Variants in ATXN1 observed in about 807,000 individuals in gnomAD.
ATXN1 encodes the protein ataxin 1.
Under a neutral mutation model 56.4 loss-of-function variants are expected in ATXN1, and 8 were observed. The observed-to-expected ratio is 0.14, with a 90% CI of 0.08 to 0.26. The LOEUF (loss-of-function observed/expected upper bound fraction) is 0.26. ATXN1 is among the 10% of genes least tolerant of loss of function. ATXN1 has a pLI of 1.00. For missense variants in ATXN1, 987 were observed against 1,106.5 expected, an observed-to-expected ratio of 0.89 and a Z score of 1.53; for synonymous variants, 514 against 494.6, an observed-to-expected ratio of 1.04 and a Z score of -0.52.
At chr6:16,468,182 T>C (rs756664366) in intron 6 of ATXN1, among the ~76,000 whole-genome samples, 25 of 152,252 alleles carry the variant, frequency 1.6e-4, no homozygotes, top group Non-Finnish European at 3.2e-4. Context: ...TTATTATTTT[T>C]ATTTTTATTT....
At chr6:16,430,121 G>T (rs1759248478) in intron 6 of ATXN1, among the ~76,000 whole-genome samples, 1 of 152,042 alleles carries the variant, frequency 6.6e-6, no homozygotes, top group Non-Finnish European at 1.5e-5. Context: ...ACATTGCTTG[G>T]ACCCCAAAGT....
In ATXN1 at chr6:16,595,206, G is replaced by A. The variant is rs1164927611; in HGVS notation, c.-488-9299C>T. On this transcript the variant is annotated intron_variant, in intron 3 of 7. Transcript: ENST00000436367. Reference sequence around the variant, plus strand: ...GCTGATTAGATGGGGGGAAGGCTTAGCTTTTATTTTAAAATAGCAAAATCG... The same window carrying A: ...GCTGATTAGATGGGGGGAAGGCTTAACTTTTATTTTAAAATAGCAAAATCG... Among the ~76,000 whole-genome samples, 4 of 152,176 alleles carry A rather than the reference G, an allele frequency of 2.6e-5. No homozygotes were observed. In the East Asian group the frequency reaches 7.7e-4, roughly 29 times the overall value.
At chr6:16,563,812 GAC>G (rs1278012332) in intron 4 of ATXN1, among the ~76,000 whole-genome samples, 2 of 152,126 alleles carry the variant, frequency 1.3e-5, no homozygotes, top group African/African-American at 4.8e-5. Flanking sequence ...GCTGCACTCA[GAC>G]ACAGAGGAAG....
chr6:16,664,290 T>A (rs1758381954), intron 2 of ATXN1, among the ~76,000 whole-genome samples: 1 of 152,220 alleles, frequency 6.6e-6, no homozygotes, highest in Non-Finnish European at 1.5e-5. Context: ...AAGAGTATGT[T>A]TTTTTAAGAA....
In ATXN1 at chr6:16,613,072, T is replaced by C. The variant is rs571393942; in HGVS notation, c.-488-27165A>G. ...TGAGGTCAGGAGATCGAGACCATCC[T>C]GGCTAACAAGGTGAAACCCCGTCTC... is the stretch of plus-strand genomic sequence containing the variant. On this transcript the variant is annotated intron_variant, in intron 3 of 7. Transcript: ENST00000436367. 2.0e-4 allele frequency among the ~76,000 whole-genome samples: 30 copies of C among 149,872 alleles called. No homozygotes were observed. The East Asian group carries it at 5.9e-3, about 30-fold the overall frequency.
intron 6 of ATXN1, among the ~76,000 whole-genome samples, chr6:16,348,552 A>T (rs561108229): frequency 2.6e-5 from 4 of 152,236 alleles, no homozygotes; most frequent in Admixed American, 6.5e-5. Context: ...TACAAAAAAA[A>T]TTAGCCGGGC....
chr6:16,491,090 ATTTTTTTTTTTT>A (rs35884389), intron 5 of ATXN1, among the ~76,000 whole-genome samples: 2 of 78,310 alleles, frequency 2.6e-5, no homozygotes, highest in East Asian at 4.3e-4. Context: ...GGATCCCTGG[ATTTTTTTTTTTT>A]TTTTTTTTTT....
At chr6:16,586,414 T>C (rs1022615455) in intron 3 of ATXN1, among the ~76,000 whole-genome samples, 6 of 152,260 alleles carry the variant, frequency 3.9e-5, no homozygotes, top group African/African-American at 1.4e-4. Flanking sequence ...CATGCCTCTT[T>C]GTTAATAACT....
chr6:16,671,656 T>G (rs976305191), intron 2 of ATXN1, among the ~76,000 whole-genome samples: 2 of 152,226 alleles, frequency 1.3e-5, no homozygotes, highest in Non-Finnish European at 2.9e-5. Context: ...GAGTCATTAG[T>G]TCTTACTGAA....
At chr6:16,446,672 T>C (rs1409787838) in intron 6 of ATXN1, among the ~76,000 whole-genome samples, 1 of 152,246 alleles carries the variant, frequency 6.6e-6, no homozygotes, top group Non-Finnish European at 1.5e-5. Context: ...GTTTTTTTTC[T>C]ATTAAAGGAA....
At chr6:16,341,884 T>G (rs1761258819) in intron 6 of ATXN1, among the ~76,000 whole-genome samples, 1 of 141,274 alleles carries the variant, frequency 7.1e-6, no homozygotes, top group South Asian at 2.4e-4. Context: ...GTGATTTTTT[T>G]TTTTTTTTTT....
intron 6 of ATXN1, among the ~76,000 whole-genome samples, chr6:16,439,551 T>C (rs1759471160): frequency 1.3e-5 from 2 of 152,026 alleles, no homozygotes; most frequent in African/African-American, 2.4e-5. Context: ...GTTGGTTTCA[T>C]ACTGTGTTAA....
intron 3 of ATXN1, among the ~76,000 whole-genome samples, chr6:16,630,547 G>C (rs944279777): frequency 3.3e-5 from 5 of 152,170 alleles, no homozygotes; most frequent in Non-Finnish European, 7.3e-5. Context: ...GAGCATGACA[G>C]GTCAAGAGAG....
intron 4 of ATXN1, among the ~76,000 whole-genome samples, chr6:16,548,672 C>T (rs763795658): frequency 1.3e-5 from 2 of 151,784 alleles, no homozygotes; most frequent in Admixed American, 6.6e-5. Flanking sequence ...ACCTGTAATC[C>T]CAGCACTTTG....
intron 6 of ATXN1, among the ~76,000 whole-genome samples, chr6:16,447,985 T>C (rs1445150271): frequency 1.3e-5 from 2 of 152,234 alleles, no homozygotes; most frequent in African/African-American, 4.8e-5. Flanking sequence ...GCAGAGTGTG[T>C]GGGTTCAAAA....
intron 6 of ATXN1, among the ~76,000 whole-genome samples, chr6:16,411,141 AAAAAGAAAAG>A (rs970833891): frequency 3.3e-5 from 5 of 150,708 alleles, no homozygotes; most frequent in South Asian, 2.1e-4. Flanking sequence ...AAAAAAAAAA[AAAAAGAAAAG>A]AAAAGAAAAG....
Position 16,488,768 on chromosome 6 carries a change from T to C in ATXN1, c.-298-2659A>G, listed in dbSNP as rs141093199. 6.6e-5 allele frequency among the ~76,000 whole-genome samples: 10 copies of C among 152,320 alleles called. No homozygotes were observed. In the East Asian group the frequency reaches 1.7e-3, roughly 26 times the overall value. The stretch of plus-strand genomic sequence containing the variant: ...CTCTTTCCATTTAAAATGTCCAAGA[T>C]AAAATGTAATTTATCCTACAAGCTT... On this transcript the variant is annotated intron_variant, in intron 5 of 7. Coordinates refer to ENST00000436367, the MANE Select transcript of ATXN1 (RefSeq NM_001128164.2).
intron 4 of ATXN1, among the ~76,000 whole-genome samples, chr6:16,539,339 A>T (rs1761667773): frequency 6.6e-6 from 1 of 152,204 alleles, no homozygotes; most frequent in Non-Finnish European, 1.5e-5. Flanking sequence ...TAAAAAAGAA[A>T]AAAGAAACCC....
At chr6:16,758,605 G>A (rs1217838036) in intron 1 of ATXN1, among the ~76,000 whole-genome samples, 11 of 152,236 alleles carry the variant, frequency 7.2e-5, no homozygotes, top group African/African-American at 2.7e-4. Flanking sequence ...CATAAATGCT[G>A]TGCATAAAAC....
Sources: allele counts gnomAD v4.1 joint callset (sites outside exome capture counted in the v4.1 genomes callset), GRCh38; gene constraint gnomAD v4.1.1; transcripts MANE v1.5; gene names NCBI Gene and HGNC (gene_info 2026-07-23, HGNC 2026-07-21).